PCDHGA12: variants seen among roughly 807,000 people sequenced by gnomAD.
The protein encoded by PCDHGA12 is protocadherin gamma subfamily A, 12.
Under a neutral mutation model 61.1 loss-of-function variants are expected in PCDHGA12, and 43 were observed. The observed-to-expected ratio is 0.70, with a 90% CI of 0.55 to 0.91. PCDHGA12 has a LOEUF of 0.91. Among genes scored for constraint, PCDHGA12 ranks in the 40% least tolerant of loss-of-function variants. The pLI, the probability that PCDHGA12 is intolerant of heterozygous loss-of-function variation, is 0.00. For synonymous variants in PCDHGA12, 520 were observed against 542.9 expected, an observed-to-expected ratio of 0.96 and a Z score of 0.59; for missense variants, 1,236 against 1,227.7, an observed-to-expected ratio of 1.01 and a Z score of -0.10.
chr5:141,463,500 G>A (rs866521006), intron 1 of PCDHGA12, among the ~76,000 whole-genome samples: 30 of 139,838 alleles, frequency 2.1e-4, no homozygotes, highest in African/African-American at 7.0e-4. Context: ...CCAGGCTGGA[G>A]TGACGTGGCG....
Position 141,487,059 on chromosome 5 carries a change from G to A in PCDHGA12, c.2425-7748G>A, listed in dbSNP as rs760836605. 1.7e-5 allele frequency: 27 copies of A among 1,613,952 alleles called. No homozygotes were observed. Among genetic ancestry groups the A allele is most frequent in the Non-Finnish European group, 2.0e-5 (24 of 1,179,994 alleles). On this transcript the variant is annotated intron_variant, in intron 1 of 3. Transcript: ENST00000252085. This position sits in a 1 kb window ranked among gnomAD's most constrained non-coding sequence, Gnocchi z 5.0. ...GTCTCTCGATATGCTGGGGAGGTGC[G>A]GACGGCTGTTCCTATCCCAGCTGAC...
intron 1 of PCDHGA12, among the ~76,000 whole-genome samples, chr5:141,434,195 T>C (rs1561872734): frequency 6.6e-6 from 1 of 151,916 alleles, no homozygotes; most frequent in Non-Finnish European, 1.5e-5. Flanking sequence ...AATTCCAATG[T>C]ACTTACTTCT....
Position 141,491,699 on chromosome 5 carries a change from A to G in PCDHGA12, c.2425-3108A>G. The G allele has an allele frequency of 6.2e-7, 1 of 1,612,008 alleles. No individual in the cohort carries two copies. The highest frequency in any genetic ancestry group is 1.1e-5 in the South Asian group (1 of 90,926). ...TCTAATACGCTGCGGGAGCGGAGCC[A>G]GGTGAGGGGCTCGGCGCCGCCCCGG... On this transcript the variant is annotated intron_variant, in intron 1 of 3. Transcript: ENST00000252085. The surrounding 1 kb of genome is among the most constrained non-coding windows in gnomAD (Gnocchi z 6.9).
chr5:141,483,257 T>G, intron 1 of PCDHGA12, among the ~76,000 whole-genome samples: 1 of 137,924 alleles, frequency 7.3e-6, no homozygotes, highest in East Asian at 1.9e-4. Flanking sequence ...ATCATGAGGT[T>G]TTTTTGTTTT....
intron 2 of PCDHGA12, among the ~76,000 whole-genome samples, chr5:141,500,942 C>T (rs937418207): frequency 2.0e-5 from 3 of 151,926 alleles, no homozygotes; most frequent in Non-Finnish European, 4.4e-5. Context: ...CATCTCGGCT[C>T]ACTGCAAGCT....
In PCDHGA12 at chr5:141,476,374, GTTTGTGAACGACCGTC is replaced by G. The variant is rs1424626307; in HGVS notation, c.2425-18431_2425-18416del. 1 of 1,614,060 alleles carries G rather than the reference GTTTGTGAACGACCGTC, an allele frequency of 6.2e-7. No individual in the cohort carries two copies. The highest frequency in any genetic ancestry group is 1.3e-5 in the African/African-American group (1 of 74,922). Reference sequence around the variant, plus strand: ...AGGTGAACCGGGAGACCGGAGAGATGTTTGTGAACGACCGTCTGGATCGAGAGGAGCTGTGTGGGAC... The same window carrying G: ...AGGTGAACCGGGAGACCGGAGAGATGTGGATCGAGAGGAGCTGTGTGGGAC... On this transcript the variant is annotated intron_variant, in intron 1 of 3. Coordinates refer to ENST00000252085, the MANE Select transcript of PCDHGA12 (RefSeq NM_003735.3). The surrounding 1 kb of genome is among the most constrained non-coding windows in gnomAD (Gnocchi z 7.6).
intron 1 of PCDHGA12, among the ~76,000 whole-genome samples, chr5:141,454,204 T>G (rs1161344350): frequency 3.3e-5 from 5 of 152,170 alleles, no homozygotes; most frequent in Non-Finnish European, 1.5e-5. Context: ...GTGAATTTAT[T>G]GACATGAATG....
At chr5:141,434,784 A>T (rs967716221) in intron 1 of PCDHGA12, among the ~76,000 whole-genome samples, 11 of 150,278 alleles carry the variant, frequency 7.3e-5, no homozygotes, top group East Asian at 5.8e-4. Flanking sequence ...AAAAAAAAAA[A>T]TTTTTTTTTC....
Position 141,487,278 on chromosome 5 carries a change from T to G in PCDHGA12, c.2425-7529T>G. 6 of 1,614,180 alleles carry G rather than the reference T, an allele frequency of 3.7e-6. No individual in the cohort carries two copies. Among genetic ancestry groups the G allele is most frequent in the Non-Finnish European group, 5.1e-6 (6 of 1,180,040 alleles). On this transcript the variant is annotated intron_variant, in intron 1 of 3. Coordinates refer to ENST00000252085, the MANE Select transcript of PCDHGA12 (RefSeq NM_003735.3). The surrounding 1 kb of genome is among the most constrained non-coding windows in gnomAD (Gnocchi z 5.0). Reference sequence around the variant, plus strand: ...GCTGTGTCCCTAGTGGCAATTTGCTTTGTCTCCTTTGGCTCATTCGTGGCA... The same window carrying G: ...GCTGTGTCCCTAGTGGCAATTTGCTGTGTCTCCTTTGGCTCATTCGTGGCA...
Position 141,501,335 on chromosome 5 carries a change from C to A in PCDHGA12, c.2484-4058C>A, listed in dbSNP as rs977626682. 1.5e-4 allele frequency among the ~76,000 whole-genome samples: 20 copies of A among 135,718 alleles called. No individual in the cohort carries two copies. In the East Asian group the frequency reaches 2.2e-3, roughly 15 times the overall value. The allele number at this position is 135,718 out of a possible 152,430, so 89.0% of individuals were successfully genotyped here. The stretch of plus-strand genomic sequence containing the variant: ...CACACACACACACACACACACACAC[C>A]CCAAACTCAATAGGGCAAGAACCAT... On this transcript the variant is annotated intron_variant, in intron 2 of 3. Transcript: ENST00000252085.
rs373421472 is a variant in PCDHGA12, at chr5:141,472,201, A to G, written c.2425-22606A>G. ...GTATTGGAATTTGAATCTTTTTGAC[A>G]CTAAGACCTTACTCTCGATCATATA... is the stretch of plus-strand genomic sequence containing the variant. On this transcript the variant is annotated intron_variant, in intron 1 of 3. Coordinates refer to ENST00000252085, the MANE Select transcript of PCDHGA12 (RefSeq NM_003735.3). Among the ~76,000 whole-genome samples the G allele has an allele frequency of 5.6e-4, 86 of 152,320 alleles. 2 individuals are homozygous for G. The South Asian group carries it at 0.017, about 30-fold the overall frequency.
Position 141,505,388 on chromosome 5 carries a change from C to T in PCDHGA12, c.2484-5C>T, listed in dbSNP as rs756505223. ...TCTGTGCTCACCATCCTACTCTCTCCCCAGCTCCCAAAATGGCGATGACAC... is the reference window on the plus strand; with the variant it reads ...TCTGTGCTCACCATCCTACTCTCTCTCCAGCTCCCAAAATGGCGATGACAC... On this transcript the variant is annotated splice_polypyrimidine_tract_variant and splice_region_variant and intron_variant, in intron 2 of 3. Transcript: ENST00000252085. The T allele has an allele frequency of 6.2e-7, 1 of 1,613,972 alleles. No homozygotes were observed. The highest frequency in any genetic ancestry group is 2.2e-5 in the East Asian group (1 of 44,886).
At chr5:141,506,910 G>C (rs1165112258) in intron 3 of PCDHGA12, among the ~76,000 whole-genome samples, 1 of 152,082 alleles carries the variant, frequency 6.6e-6, no homozygotes, top group Admixed American at 6.5e-5. Context: ...ATCACACCTG[G>C]GCACATACTA....
In PCDHGA12 at chr5:141,511,259, A is replaced by G; in HGVS notation, c.*86A>G. On this transcript the variant is annotated 3_prime_UTR_variant, in exon 4 of 4. Transcript: ENST00000252085. ...ACCTGCACCCAGGCCTCAGAGTTTCAGGGCTAACCCCCAGAATACTGGTAG... is the reference window on the plus strand; with the variant it reads ...ACCTGCACCCAGGCCTCAGAGTTTCGGGGCTAACCCCCAGAATACTGGTAG... 1.3e-6 allele frequency: 2 copies of G among 1,559,840 alleles called. No individual in the cohort carries two copies. The highest frequency in any genetic ancestry group is 1.7e-6 in the Non-Finnish European group (2 of 1,152,466).
At chr5:141,450,587 A>G (rs1396203849) in intron 1 of PCDHGA12, among the ~76,000 whole-genome samples, 1 of 151,720 alleles carries the variant, frequency 6.6e-6, no homozygotes, top group East Asian at 1.9e-4. Flanking sequence ...CCCAGGTTCA[A>G]GCAATTCTCC....
intron 1 of PCDHGA12, among the ~76,000 whole-genome samples, chr5:141,466,921 AG>A (rs2099132133): frequency 6.6e-6 from 1 of 152,204 alleles, no homozygotes; most frequent in African/African-American, 2.4e-5. Context: ...TCCTTGTATT[AG>A]GAATATTAGT....
At chr5:141,441,746 C>CGTCAA in intron 1 of PCDHGA12, 1 of 371,314 alleles carries the variant, frequency 2.7e-6, no homozygotes, top group Non-Finnish European at 5.4e-6. Context: ...TCGCGCTCGG[C>CGTCAA]GTCAACGTGA....
At chr5:141,500,221 TTTA>T (rs1428029040) in intron 2 of PCDHGA12, among the ~76,000 whole-genome samples, 2 of 151,002 alleles carry the variant, frequency 1.3e-5, no homozygotes, top group Non-Finnish European at 2.9e-5. Flanking sequence ...TATTTATTTA[TTTA>T]TTGATACGTA....
chr5:141,476,952 T>A lies in PCDHGA12; in HGVS notation c.2425-17855T>A, dbSNP rs1463851594. On this transcript the variant is annotated intron_variant, in intron 1 of 3. Transcript: ENST00000252085. This position sits in a 1 kb window ranked among gnomAD's most constrained non-coding sequence, Gnocchi z 7.6. ...CTGGATGAAGGCCCCAACGGTGAAA[T>A]TATTTACTCCTTCGGCAGCCACAAC... 1 of 1,614,052 alleles carries A rather than the reference T, an allele frequency of 6.2e-7. No individual in the cohort carries two copies. Among genetic ancestry groups the A allele is most frequent in the Non-Finnish European group, 8.5e-7 (1 of 1,180,038 alleles).
Sources: gnomAD v4.1 joint callset for allele counts (sites outside exome capture counted in the v4.1 genomes callset) on GRCh38, gnomAD v4.1.1 for gene constraint, Gnocchi (gnomAD v3.1) non-coding constraint, MANE v1.5 for transcripts, NCBI Gene and HGNC (gene_info 2026-07-23, HGNC 2026-07-21) for gene names.